RNGTT: variants seen among roughly 807,000 people sequenced by gnomAD.
The protein encoded by RNGTT is RNA guanylyltransferase and 5'-phosphatase.
In RNGTT, 33 loss-of-function variants were observed where a neutral mutation model predicts 79.3. That is an observed-to-expected ratio of 0.42 (90% CI 0.32 to 0.56). RNGTT has a LOEUF of 0.56. Among genes scored for constraint, RNGTT ranks in the 20% least tolerant of loss-of-function variants. The pLI, the probability that RNGTT is intolerant of heterozygous loss-of-function variation, is 0.17. For synonymous variants in RNGTT, 222 were observed against 235.9 expected (o/e 0.94, Z 0.54); for missense variants, 497 against 739.1 (o/e 0.67, Z 3.80).
intron 13 of RNGTT, among the ~76,000 whole-genome samples, chr6:88,738,761 A>G (rs1288478251): frequency 6.6e-6 from 1 of 151,966 alleles, no homozygotes; most frequent in Admixed American, 6.6e-5. Flanking sequence ...GTATATGGGA[A>G]CTTTCTGTTC....
chr6:88,878,132 G>A (rs557390110), intron 8 of RNGTT, among the ~76,000 whole-genome samples: 1 of 151,596 alleles, frequency 6.6e-6, no homozygotes, highest in East Asian at 1.9e-4. Flanking sequence ...ATCTTTCTCC[G>A]TAGCCCAGGC....
chr6:88,825,700 G>A (rs1481983892), intron 11 of RNGTT, among the ~76,000 whole-genome samples: 1 of 152,140 alleles, frequency 6.6e-6, no homozygotes, highest in Non-Finnish European at 1.5e-5. Context: ...AAAGCACAGT[G>A]TGTTCTATTG....
intron 14 of RNGTT, among the ~76,000 whole-genome samples, chr6:88,651,452 C>T (rs973045423): frequency 6.6e-6 from 1 of 152,080 alleles, no homozygotes; most frequent in Non-Finnish European, 1.5e-5. Context: ...ATAGTGCCTG[C>T]TGGGCATATA....
At chr6:88,752,023 T>G (rs1254911299) in intron 13 of RNGTT, among the ~76,000 whole-genome samples, 2 of 152,084 alleles carry the variant, frequency 1.3e-5, no homozygotes, top group African/African-American at 4.8e-5. Flanking sequence ...TCCCCCCATA[T>G]TCTCTCCCTT....
At chr6:88,934,731 A>C (rs1209593026) in intron 2 of RNGTT, among the ~76,000 whole-genome samples, 1 of 151,862 alleles carries the variant, frequency 6.6e-6, no homozygotes, top group East Asian at 1.9e-4. Flanking sequence ...GCCTTGACCT[A>C]CTGGGCTCAA....
intron 13 of RNGTT, among the ~76,000 whole-genome samples, chr6:88,768,415 A>C (rs1411805574): frequency 6.6e-6 from 1 of 152,078 alleles, no homozygotes; most frequent in Non-Finnish European, 1.5e-5. Flanking sequence ...GCCTCAAATA[A>C]AATGTTAAAT....
chr6:88,623,672 C>T (rs1388248604), intron 14 of RNGTT, among the ~76,000 whole-genome samples: 4 of 152,008 alleles, frequency 2.6e-5, no homozygotes, highest in African/African-American at 7.2e-5. Flanking sequence ...CCATAAATTC[C>T]TTATACTGAA....
rs367990699 is a variant in RNGTT, at chr6:88,843,747, C to T, written c.1269+610G>A. Among the ~76,000 whole-genome samples, 5 of 150,590 alleles carry T rather than the reference C, an allele frequency of 3.3e-5. No individual in the cohort carries two copies. In the East Asian group the frequency reaches 7.8e-4, roughly 24 times the overall value. Reference sequence around the variant, plus strand: ...CTAATTTTTGTATTTTTAGTAGAGACGGGTTTCACCATATTGGCCAGGCTG... The same window carrying T: ...CTAATTTTTGTATTTTTAGTAGAGATGGGTTTCACCATATTGGCCAGGCTG... On this transcript the variant is annotated intron_variant, in intron 11 of 15. Coordinates refer to ENST00000369485, the MANE Select transcript of RNGTT (RefSeq NM_003800.5).
chr6:88,652,502 C>T (rs968534509), intron 14 of RNGTT, among the ~76,000 whole-genome samples: 4 of 152,034 alleles, frequency 2.6e-5, no homozygotes, highest in Admixed American at 2.6e-4. Context: ...AAGATCCCTC[C>T]AATCCACACA....
intron 14 of RNGTT, among the ~76,000 whole-genome samples, chr6:88,645,037 C>A (rs1424237333): frequency 6.6e-6 from 1 of 152,104 alleles, no homozygotes; most frequent in Non-Finnish European, 1.5e-5. Context: ...AAAGGGTATT[C>A]AATTAGGAAA....
intron 14 of RNGTT, among the ~76,000 whole-genome samples, chr6:88,627,949 C>T (rs759889246): frequency 2.0e-5 from 3 of 152,054 alleles, no homozygotes; most frequent in Non-Finnish European, 4.4e-5. Context: ...TTGATATGTC[C>T]AATTGGGTAT....
At chr6:88,627,156 C>T (rs1772666238) in intron 14 of RNGTT, among the ~76,000 whole-genome samples, 2 of 152,064 alleles carry the variant, frequency 1.3e-5, no homozygotes, top group African/African-American at 4.8e-5. Flanking sequence ...ATGTCTGTTA[C>T]ACAACTAATG....
At chr6:88,747,956 G>A (rs1777718168) in intron 13 of RNGTT, among the ~76,000 whole-genome samples, 1 of 152,098 alleles carries the variant, frequency 6.6e-6, no homozygotes, top group Non-Finnish European at 1.5e-5. Flanking sequence ...ACCACACAAG[G>A]AAGAGAATTC....
chr6:88,773,511 AT>A (rs1417010013), intron 12 of RNGTT, among the ~76,000 whole-genome samples: 1 of 150,858 alleles, frequency 6.6e-6, no homozygotes, highest in Non-Finnish European at 1.5e-5. Flanking sequence ...AAAAAAAAAA[AT>A]CTTGAAAAAA....
chr6:88,817,226 C>T (rs1235872892), intron 11 of RNGTT, among the ~76,000 whole-genome samples: 1 of 152,102 alleles, frequency 6.6e-6, no homozygotes, highest in Non-Finnish European at 1.5e-5. Context: ...TATTCAGAAC[C>T]TCTTCATACC....
At chr6:88,927,662 CAAAA>C (rs35564169) in intron 4 of RNGTT, among the ~76,000 whole-genome samples, 1 of 136,722 alleles carries the variant, frequency 7.3e-6, no homozygotes, top group African/African-American at 2.7e-5. Context: ...AACTCCATCT[CAAAA>C]AAAAAAAAAA....
At position 88,844,384 on chromosome 6, in the gene RNGTT, C is replaced by T. The variant is rs143599467; in HGVS notation, c.1242G>A (p.Pro414=). The change falls in exon 11 of 16, where the codon CCG becomes CCA. Residue 414 remains proline (P), a synonymous_variant. Coordinates refer to ENST00000369485, the MANE Select transcript of RNGTT (RefSeq NM_003800.5). The part of the protein sequence containing the change: ...TQEPFSVRNK[P]FFDICTSRKL... The stretch of plus-strand genomic sequence containing the variant: ...TTCTTGAAGTACAGATGTCAAAAAA[C>T]GGCTTATTTCTGACGCTAAATGGTT... The T allele has an allele frequency of 8.7e-6, 14 of 1,612,552 alleles. No individual in the cohort carries two copies. The highest frequency in any genetic ancestry group is 1.6e-4 in the Middle Eastern group (1 of 6,072).
chr6:88,804,094 A>T (rs1779881181), intron 11 of RNGTT, among the ~76,000 whole-genome samples: 1 of 152,190 alleles, frequency 6.6e-6, no homozygotes, highest in Non-Finnish European at 1.5e-5. Context: ...CATTCAAAAT[A>T]CATAACTCCT....
chr6:88,636,838 A>T (rs1773118042), intron 14 of RNGTT, among the ~76,000 whole-genome samples: 1 of 151,962 alleles, frequency 6.6e-6, no homozygotes. Flanking sequence ...GTTTAAGGAC[A>T]ATTCTATCTA....
Sources: allele counts gnomAD v4.1 joint callset (sites outside exome capture counted in the v4.1 genomes callset), GRCh38; gene constraint gnomAD v4.1.1; transcripts MANE v1.5; gene names NCBI Gene and HGNC (gene_info 2026-07-23, HGNC 2026-07-21).